The following CNTN5 variants were observed in gnomAD, a reference collection of about 807,000 sequenced individuals.
The protein encoded by CNTN5 is contactin 5.
CNTN5 carries 77 observed loss-of-function variants against 129.1 expected under a neutral mutation model. That is an observed-to-expected ratio of 0.60 (90% CI 0.50 to 0.72). The LOEUF (loss-of-function observed/expected upper bound fraction) is 0.72, where lower values mean the gene tolerates loss of function less well. Among genes scored for constraint, CNTN5 ranks in the 30% least tolerant of loss-of-function variants. The probability of loss-of-function intolerance (pLI) is 0.00; values close to 1 mark genes in which losing one functional copy is unlikely to be tolerated. For missense variants in CNTN5, 1,478 were observed against 1,328.8 expected, an observed-to-expected ratio of 1.11 and a Z score of -1.75; for synonymous variants, 509 against 465.6, an observed-to-expected ratio of 1.09 and a Z score of -1.20.
intron 21 of CNTN5, chr11:100,337,320 C>T: frequency 1.1e-6 from 1 of 939,946 alleles, no homozygotes; most frequent in Non-Finnish European, 1.8e-6. Flanking sequence ...AATGAGTTCA[C>T]CATACATATT....
At chr11:99,347,065 A>G (rs1186024030) in intron 2 of CNTN5, among the ~76,000 whole-genome samples, 1 of 152,222 alleles carries the variant, frequency 6.6e-6, no homozygotes, top group Non-Finnish European at 1.5e-5. Context: ...TATTCATTGT[A>G]TCAGATCTGA....
At chr11:99,463,435 C>A (rs12417167) in intron 2 of CNTN5, among the ~76,000 whole-genome samples, 22,173 of 52,454 alleles carry the variant, frequency 0.42, 2,186 homozygotes, top group East Asian at 0.6. Context: ...GAGACTCTGT[C>A]TCAAAAAGAA....
intron 1 of CNTN5, among the ~76,000 whole-genome samples, chr11:99,115,820 G>A (rs1858019686): frequency 6.6e-6 from 1 of 151,888 alleles, no homozygotes; most frequent in African/African-American, 2.4e-5. Context: ...AGACCTGCAA[G>A]GTAAAGAGTG....
intron 1 of CNTN5, among the ~76,000 whole-genome samples, chr11:99,135,235 AAAT>A (rs1565345748): frequency 6.6e-6 from 1 of 151,870 alleles, no homozygotes; most frequent in East Asian, 1.9e-4. Flanking sequence ...ATACATATAA[AAAT>A]AAAGTCAAGC....
intron 8 of CNTN5, among the ~76,000 whole-genome samples, chr11:99,969,070 C>T (rs1158677205): frequency 6.6e-6 from 1 of 151,916 alleles, no homozygotes; most frequent in Non-Finnish European, 1.5e-5. Flanking sequence ...ATCAGTCATT[C>T]CATACAATCC....
chr11:99,694,075 T>C (rs1311221229), intron 3 of CNTN5, among the ~76,000 whole-genome samples: 1 of 151,742 alleles, frequency 6.6e-6, no homozygotes, highest in African/African-American at 2.4e-5. Flanking sequence ...GAACCATAAG[T>C]ACTTTGATGT....
intron 1 of CNTN5, among the ~76,000 whole-genome samples, chr11:99,191,436 G>T (rs536774867): frequency 1.3e-5 from 2 of 151,614 alleles, no homozygotes; most frequent in Non-Finnish European, 3.0e-5. Context: ...TTAAGTGAAA[G>T]GAAACATCTG....
chr11:99,510,902 C>T (rs575064242), intron 2 of CNTN5, among the ~76,000 whole-genome samples: 2 of 152,026 alleles, frequency 1.3e-5, no homozygotes, highest in Admixed American at 6.6e-5. Context: ...CAGAGGAAGT[C>T]ATTATTATAA....
chr11:99,257,995 A>C lies in CNTN5; in HGVS notation c.-209-67351A>C, dbSNP rs182872234. 3.3e-5 allele frequency among the ~76,000 whole-genome samples: 5 copies of C among 152,190 alleles called. No homozygotes were observed. In the East Asian group the frequency reaches 9.7e-4, roughly 30 times the overall value. ...AGGGATAGAAGGGAAATTTAGTGAGATGAAATTCCTTGTTCTTCATGCTAT... is the reference window on the plus strand; with the variant it reads ...AGGGATAGAAGGGAAATTTAGTGAGCTGAAATTCCTTGTTCTTCATGCTAT... On this transcript the variant is annotated intron_variant, in intron 1 of 24. Coordinates refer to ENST00000524871, the MANE Select transcript of CNTN5 (RefSeq NM_014361.4).
chr11:99,276,665 C>T (rs1863449676), intron 1 of CNTN5, among the ~76,000 whole-genome samples: 1 of 151,322 alleles, frequency 6.6e-6, no homozygotes, highest in African/African-American at 2.4e-5. Context: ...CCAATAGAAA[C>T]AGGAATTGTA....
intron 8 of CNTN5, among the ~76,000 whole-genome samples, chr11:100,000,432 G>C (rs1487266420): frequency 6.6e-6 from 1 of 152,184 alleles, no homozygotes; most frequent in African/African-American, 2.4e-5. Flanking sequence ...CACATGTAGG[G>C]CATGATGATA....
chr11:99,183,905 T>C (rs1858209569), intron 1 of CNTN5, among the ~76,000 whole-genome samples: 1 of 152,144 alleles, frequency 6.6e-6, no homozygotes, highest in African/African-American at 2.4e-5. Context: ...AATTACCCAT[T>C]CTGTTGCCCG....
chr11:99,294,374 G>C (rs531290675), intron 1 of CNTN5, among the ~76,000 whole-genome samples: 169 of 152,168 alleles, frequency 1.1e-3, no homozygotes, highest in African/African-American at 4.0e-3. Context: ...TGTGCCAGCA[G>C]CAAACAATTT....
chr11:99,310,897 C>A (rs1270338698), intron 1 of CNTN5, among the ~76,000 whole-genome samples: 1 of 151,770 alleles, frequency 6.6e-6, no homozygotes, highest in East Asian at 1.9e-4. Flanking sequence ...CTTTTTCCTC[C>A]TTTATTATCT....
chr11:100,350,840 A>T lies in CNTN5; in HGVS notation c.3169A>T (p.Ser1057Cys). 1.3e-6 allele frequency: 2 copies of T among 1,594,094 alleles called. No homozygotes were observed. Among genetic ancestry groups the T allele is most frequent in the Non-Finnish European group, 1.7e-6 (2 of 1,168,440 alleles). ...TAGTGAAGGAGGAGATGGAACAGCTAGTTCTCAAATTAGGGTACCATCATA... is the reference window on the plus strand; with the variant it reads ...TAGTGAAGGAGGAGATGGAACAGCTTGTTCTCAAATTAGGGTACCATCATA... ...AYSEGGDGTA[S>C]SQIRVPSYSG... The change falls in exon 24 of 25, where the codon AGT (serine) becomes TGT (cysteine). Residue 1057 changes from serine (S) to cysteine (C), a missense_variant. Physicochemically the swap from Ser to Cys is moderately radical, Grantham distance 112 (BLOSUM62 -1). Transcript: ENST00000524871.
chr11:100,287,531 A>T (rs1328350149), intron 18 of CNTN5, among the ~76,000 whole-genome samples: 1 of 150,846 alleles, frequency 6.6e-6, no homozygotes, highest in Non-Finnish European at 1.5e-5. Flanking sequence ...AAGGAGAAAT[A>T]AAATACTTTA....
intron 7 of CNTN5, among the ~76,000 whole-genome samples, chr11:99,942,207 T>G (rs1950454986): frequency 6.6e-6 from 1 of 151,996 alleles, no homozygotes; most frequent in Non-Finnish European, 1.5e-5. Context: ...GCACAGTAAG[T>G]GTATGACAGA....
chr11:99,879,754 C>T (rs1046354709), intron 6 of CNTN5, among the ~76,000 whole-genome samples: 3 of 152,072 alleles, frequency 2.0e-5, no homozygotes, highest in Non-Finnish European at 4.4e-5. Context: ...ACACAAGCTG[C>T]TTGAAATTAT....
chr11:100,328,853 T>C (rs1384012681), intron 21 of CNTN5, among the ~76,000 whole-genome samples: 4 of 152,202 alleles, frequency 2.6e-5, no homozygotes, highest in African/African-American at 7.2e-5. Context: ...CAGAGCAGCA[T>C]GTGAAAACTC....
Sources: allele counts gnomAD v4.1 joint callset (sites outside exome capture counted in the v4.1 genomes callset), GRCh38; gene constraint gnomAD v4.1.1; transcripts MANE v1.5; gene names NCBI Gene and HGNC (gene_info 2026-07-23, HGNC 2026-07-21).